The following DMD variants were observed in gnomAD, a reference collection of about 807,000 sequenced individuals.
DMD encodes dystrophin, also known as mutant dystrophin.
A neutral mutation model predicts 330.1 loss-of-function variants in DMD; 63 were observed. The ratio of observed to expected loss-of-function variants is 0.19; its 90% CI spans 0.16 to 0.24. DMD has a LOEUF of 0.24. DMD is among the 10% of genes least tolerant of loss of function. The pLI, the probability that DMD is intolerant of heterozygous loss-of-function variation, is 1.00. For synonymous variants in DMD, 1,223 were observed against 959.8 expected (o/e 1.27, Z -5.07); for missense variants, 3,344 against 2,684.1 (o/e 1.25, Z -5.43).
intron 78 of DMD, among the ~76,000 whole-genome samples, chrX:31,122,341 C>CT (rs2032781041): frequency 9.0e-6 from 1 of 111,395 alleles, no homozygotes; most frequent in South Asian, 3.8e-4. Flanking sequence ...TTACTCTCTA[C>CT]TTGTATTAAC....
rs199836398 is a variant in DMD at position 33,187,952 on chromosome X, AC to A, written c.31+23329del. Among the ~76,000 whole-genome samples the A allele has an allele frequency of 9.6e-3, 1,068 of 111,661 alleles. 13 individuals are homozygous for A. The highest frequency in any genetic ancestry group is 0.033 in the African/African-American group (1,003 of 30,734). On this transcript the variant is annotated intron_variant, in intron 1 of 78. Transcript: ENST00000357033. The stretch of plus-strand genomic sequence containing the variant: ...GGGTATTACAGAAGCATTGTAAGGT[AC>A]TACATGGTCCTCTTATACCATAGAT...
At chrX:32,089,621 T>C (rs2096462677) in intron 44 of DMD, among the ~76,000 whole-genome samples, 1 of 112,141 alleles carries the variant, frequency 8.9e-6, no homozygotes, top group Admixed American at 9.5e-5. Flanking sequence ...CATGATCTCA[T>C]TCTTTTTCAT....
chrX:31,891,741 C>A (rs1203472527), intron 47 of DMD, among the ~76,000 whole-genome samples: 1 of 110,833 alleles, frequency 9.0e-6, no homozygotes, highest in East Asian at 2.8e-4. Context: ...AAAACATTTA[C>A]CATCTGGACC....
chrX:33,315,255 T>A (rs753203179), intron 1 of DMD, among the ~76,000 whole-genome samples: 1 of 112,603 alleles, frequency 8.9e-6, no homozygotes, highest in South Asian at 3.7e-4. Flanking sequence ...GGTAAAATAT[T>A]AACTTAACGG....
chrX:32,335,634 C>CATAAACATAACATGTT (rs2097703867), intron 41 of DMD, among the ~76,000 whole-genome samples: 1 of 14,348 alleles, frequency 7.0e-5, no homozygotes, highest in African/African-American at 2.2e-4. Context: ...ATATACATAA[C>CATAAACATAACATGTT]ATATACATAA....
chrX:32,734,577 G>A (rs1314400769), intron 7 of DMD, among the ~76,000 whole-genome samples: 2 of 103,106 alleles, frequency 1.9e-5, no homozygotes, highest in African/African-American at 7.5e-5. Flanking sequence ...TGATCAAGTG[G>A]GCTTCATCCC....
intron 60 of DMD, among the ~76,000 whole-genome samples, chrX:31,404,610 T>C (rs759111610): frequency 8.9e-6 from 1 of 112,104 alleles, no homozygotes; most frequent in Non-Finnish European, 1.9e-5. Context: ...GATGGACAAG[T>C]CAGAAAACAG....
Position 31,477,218 on chromosome X carries a change from A to C in DMD, c.8937+888T>G, listed in dbSNP as rs1267402083. Among the ~76,000 whole-genome samples the C allele has an allele frequency of 6.3e-5, 7 of 111,313 alleles. No individual in the cohort carries two copies. In the Admixed American group the frequency reaches 6.7e-4, roughly 11 times the overall value. ...TAAACAATCAAAAGAGAATTAGGCT[A>C]AGGTTAGAAACTTGGGCACAACAGT... On this transcript the variant is annotated intron_variant, in intron 59 of 78. Transcript: ENST00000357033.
At chrX:31,141,258 G>T (rs1343444898) in intron 76 of DMD, among the ~76,000 whole-genome samples, 1 of 111,941 alleles carries the variant, frequency 8.9e-6, no homozygotes, top group African/African-American at 3.3e-5. Context: ...TATAATGCAT[G>T]ATTAAGTTCC....
intron 51 of DMD, among the ~76,000 whole-genome samples, chrX:31,760,418 A>G (rs1006047379): frequency 2.3e-4 from 26 of 112,104 alleles, no homozygotes; most frequent in African/African-American, 8.4e-4. Context: ...TACATGTAGG[A>G]CAGTGGTCCT....
At chrX:33,243,207 T>C (rs961467644) in intron 1 of DMD, among the ~76,000 whole-genome samples, 2 of 112,114 alleles carry the variant, frequency 1.8e-5, no homozygotes, top group Non-Finnish European at 3.8e-5. Context: ...TTTTCCAATG[T>C]TATCTTCTAG....
rs1449148320 is a variant in DMD at position 31,267,030 on chromosome X, C to A, written c.9225-6014G>T. On this transcript the variant is annotated intron_variant, in intron 62 of 78. Transcript: ENST00000357033. ...GCGGGGCCGTGTCGGGCTCCGCCCCCACCTAGGGACCTGGGAACCCGGACA... is the reference window on the plus strand; with the variant it reads ...GCGGGGCCGTGTCGGGCTCCGCCCCAACCTAGGGACCTGGGAACCCGGACA... 8 of 499,365 alleles carry A rather than the reference C, an allele frequency of 1.6e-5. No homozygotes were observed. The South Asian group carries it at 3.7e-4, about 23-fold the overall frequency. 41.2% of individuals were successfully genotyped at this position (499,365 alleles called of 1,213,427 possible).
chrX:31,341,719 A>G (rs2148438751), intron 61 of DMD, among the ~76,000 whole-genome samples: 1 of 111,399 alleles, frequency 9.0e-6, no homozygotes, highest in East Asian at 2.8e-4. Flanking sequence ...CAGTATTATA[A>G]CTATCTTTGT....
At chrX:32,101,894 TC>T (rs1224358899) in intron 44 of DMD, among the ~76,000 whole-genome samples, 1 of 111,503 alleles carries the variant, frequency 9.0e-6, no homozygotes, top group African/African-American at 3.3e-5. Flanking sequence ...AATGGATTCA[TC>T]CATTCATAAA....
chrX:32,046,828 C>T (rs1230072314), intron 44 of DMD, among the ~76,000 whole-genome samples: 1 of 112,024 alleles, frequency 8.9e-6, no homozygotes, highest in Non-Finnish European at 1.9e-5. Context: ...CTCTTTGCCA[C>T]ATGACCTGTG....
intron 34 of DMD, among the ~76,000 whole-genome samples, chrX:32,372,416 G>A (rs1463001386): frequency 9.0e-6 from 1 of 111,692 alleles, no homozygotes; most frequent in Non-Finnish European, 1.9e-5. Flanking sequence ...AACTTGTGCA[G>A]TTCCAGTATT....
intron 7 of DMD, among the ~76,000 whole-genome samples, chrX:32,734,778 G>A (rs1252221900): frequency 2.5e-4 from 27 of 107,814 alleles, no homozygotes; most frequent in African/African-American, 8.8e-4. Context: ...AATAATAAGA[G>A]CTATCTATGA....
chrX:32,050,008 T>C (rs770481745), intron 44 of DMD, among the ~76,000 whole-genome samples: 2 of 112,052 alleles, frequency 1.8e-5, no homozygotes, highest in African/African-American at 6.5e-5. Flanking sequence ...CTTTCCTAGT[T>C]AAGTATATTT....
At chrX:32,406,986 A>G (rs2098120205) in intron 30 of DMD, among the ~76,000 whole-genome samples, 1 of 111,782 alleles carries the variant, frequency 8.9e-6, no homozygotes, top group African/African-American at 3.3e-5. Flanking sequence ...AAGATGGATT[A>G]AAGACTTACA....
Sources: allele counts gnomAD v4.1 joint callset (sites outside exome capture counted in the v4.1 genomes callset), GRCh38; gene constraint gnomAD v4.1.1; transcripts MANE v1.5; gene names NCBI Gene and HGNC (gene_info 2026-07-23, HGNC 2026-07-21).